SNED1: variants seen among roughly 807,000 people sequenced by gnomAD.
SNED1 encodes the protein sushi, nidogen and EGF-like domain-containing protein 1.
In SNED1, 81 loss-of-function variants were observed where a neutral mutation model predicts 166.7. The observed-to-expected ratio is 0.49, with a 90% CI of 0.41 to 0.58. The LOEUF (loss-of-function observed/expected upper bound fraction) is 0.58. Ranked by LOEUF, SNED1 falls within the 20% of genes least tolerant of loss-of-function variation. The pLI, the probability that SNED1 is intolerant of heterozygous loss-of-function variation, is 0.00. For synonymous variants in SNED1, 762 were observed against 822.0 expected (o/e 0.93, Z 1.25); for missense variants, 1,604 against 2,000.2 (o/e 0.80, Z 3.78).
intron 31 of SNED1, chr2:241,090,312 C>A (rs1196385628): frequency 6.5e-7 from 1 of 1,549,846 alleles, no homozygotes; most frequent in South Asian, 1.2e-5. Context: ...CCTTCTTCCA[C>A]TTCCACATCG....
At chr2:241,076,611 C>T (rs1215980681) in intron 27 of SNED1, among the ~76,000 whole-genome samples, 1 of 152,188 alleles carries the variant, frequency 6.6e-6, no homozygotes, top group Non-Finnish European at 1.5e-5. Flanking sequence ...CCTGTAATCC[C>T]AGCACTTTGG....
intron 5 of SNED1, 56 bp downstream of exon 5, chr2:241,036,971 G>T: frequency 6.4e-7 from 1 of 1,557,426 alleles, no homozygotes. Flanking sequence ...CTCAGGAGGA[G>T]CACTGTAGGC....
chr2:241,083,816 T>G (rs887167844), intron 29 of SNED1, among the ~76,000 whole-genome samples: 2 of 152,174 alleles, frequency 1.3e-5, no homozygotes, highest in Non-Finnish European at 2.9e-5. Flanking sequence ...ATATCTAGTC[T>G]GACAGTCTGG....
At chr2:241,049,197 G>A (rs1247550014) in intron 11 of SNED1, 62 bp downstream of exon 11, 15 of 1,308,130 alleles carry the variant, frequency 1.1e-5, no homozygotes, top group South Asian at 2.5e-5. Flanking sequence ...GGGAGAAAGC[G>A]GTGGATGAGG....
At chr2:241,078,398 A>AG (rs2063150358) in intron 27 of SNED1, among the ~76,000 whole-genome samples, 1 of 142,382 alleles carries the variant, frequency 7.0e-6, no homozygotes. Flanking sequence ...AAAAAAAAAA[A>AG]GAAAGAAAGA....
At position 241,013,109 on chromosome 2, in the gene SNED1, C is replaced by T. The variant is rs1034938513; in HGVS notation, c.213+14059C>T. The stretch of plus-strand genomic sequence containing the variant: ...TCAGCCTCCCAAAGTGATGGGATTA[C>T]AGGCGTGAGCCACCGCGCCCGGCCA... On this transcript the variant is annotated intron_variant, in intron 1 of 31. Coordinates refer to ENST00000310397, the MANE Select transcript of SNED1 (RefSeq NM_001080437.3). The surrounding 1 kb of genome is among the most constrained non-coding windows in gnomAD (Gnocchi z 4.6). 6.6e-6 allele frequency among the ~76,000 whole-genome samples: 1 copy of T among 152,004 alleles called. No homozygotes were observed. Among genetic ancestry groups the T allele is most frequent in the East Asian group, 1.9e-4 (1 of 5,164 alleles).
chr2:241,001,338 C>A (rs2060072037), intron 1 of SNED1, among the ~76,000 whole-genome samples: 1 of 152,268 alleles, frequency 6.6e-6, no homozygotes, highest in Non-Finnish European at 1.5e-5. Context: ...CTTCTGTCTT[C>A]ATCAGAAATA....
chr2:241,001,541 C>T (rs1321737579), intron 1 of SNED1, among the ~76,000 whole-genome samples: 1 of 152,208 alleles, frequency 6.6e-6, no homozygotes, highest in African/African-American at 2.4e-5. Flanking sequence ...ATAATGCAGC[C>T]GAGGAGCGTG....
Position 241,053,214 on chromosome 2 carries a change from G to T in SNED1, c.2145G>T (p.Arg715=), listed in dbSNP as rs774675422. ...KHATLRFNGT[R]LGAVALYACD... is the part of the protein sequence containing the mutation. ...CCACACTGCGCTTCAACGGCACGCG[G>T]CTGGGCGCGGTGGCCCTGTATGCAT... Residue 715 remains arginine, a synonymous_variant, in exon 16 of 32, where the codon CGG becomes CGT. Coordinates refer to ENST00000310397, the MANE Select transcript of SNED1 (RefSeq NM_001080437.3). The T allele has an allele frequency of 1.9e-6, 3 of 1,609,464 alleles. No individual in the cohort carries two copies. Among genetic ancestry groups the T allele is most frequent in the Non-Finnish European group, 2.5e-6 (3 of 1,179,388 alleles).
At chr2:241,049,163 G>A (rs749161849) in intron 11 of SNED1, 28 bp downstream of exon 11, 28 of 1,574,008 alleles carry the variant, frequency 1.8e-5, no homozygotes, top group Middle Eastern at 1.7e-4. Context: ...GAGCCTGCTG[G>A]GCCGGGGGCC....
intron 4 of SNED1, among the ~76,000 whole-genome samples, chr2:241,036,000 G>A (rs1418584990): frequency 9.4e-6 from 1 of 106,142 alleles, no homozygotes; most frequent in Non-Finnish European, 2.0e-5. Flanking sequence ...GGCGCGTCAC[G>A]GGGAGGGGAG....
At chr2:241,070,254 A>G in intron 24 of SNED1, 53 bp downstream of exon 24, 1 of 1,534,276 alleles carries the variant, frequency 6.5e-7, no homozygotes, top group South Asian at 1.2e-5. Flanking sequence ...CCAGCCCTCC[A>G]CCCTGTTCAG....
At position 241,048,410 on chromosome 2, in the gene SNED1, G is replaced by A. The variant is rs774463528; in HGVS notation, c.1369G>A (p.Glu457Lys). The A allele has an allele frequency of 1.3e-4, 203 of 1,611,024 alleles. 1 individual carries two copies. In the Middle Eastern group the frequency reaches 1.5e-3, roughly 12 times the overall value. ...ADQGYVCECP[E>K]GFMGLDCRER... ...CCAGGGCTACGTGTGCGAGTGCCCCGAAGGCTTCATGGGCCTGGACTGCAG... is the reference window on the plus strand; with the variant it reads ...CCAGGGCTACGTGTGCGAGTGCCCCAAAGGCTTCATGGGCCTGGACTGCAG... Residue 457 changes from glutamate (E) to lysine (K), a missense_variant, in exon 9 of 32, where the codon GAA becomes AAA. Glu to Lys is a moderately conservative substitution (Grantham distance 56). Around this residue, in one of 2 missense-constraint regions of SNED1, gnomAD observed 1,237 missense variants for 1,620.8 expected, o/e 0.76. Transcript: ENST00000310397.
rs1434507476 is a variant in SNED1, at chr2:241,048,652, T to C, written c.1400-10T>C. On this transcript the variant is annotated splice_polypyrimidine_tract_variant and intron_variant, in intron 9 of 31. Coordinates refer to ENST00000310397, the MANE Select transcript of SNED1 (RefSeq NM_001080437.3). ...CCCACATGGGAGGCTCCTCCCTCTC[T>C]TCGTGGCAGGAGTCCCCGATGACTG... 1.2e-6 allele frequency: 2 copies of C among 1,602,342 alleles called. No homozygotes were observed. Among genetic ancestry groups the C allele is most frequent in the Non-Finnish European group, 1.7e-6 (2 of 1,174,436 alleles).
At position 241,089,368 on chromosome 2, in the gene SNED1, A is replaced by G. The variant is rs1034104007; in HGVS notation, c.*1+966A>G. ...CAGGTCTATGTTTTGTTACGTGCCT[A>G]AAAAAATAAAGGAGAAATGTCATTC... On this transcript the variant is annotated intron_variant, in intron 31 of 31. Coordinates refer to ENST00000310397, the MANE Select transcript of SNED1 (RefSeq NM_001080437.3). 14 of 1,544,386 alleles carry G rather than the reference A, an allele frequency of 9.1e-6. No individual in the cohort carries two copies. In the African/African-American group the frequency reaches 1.9e-4, roughly 21 times the overall value.
intron 16 of SNED1, among the ~76,000 whole-genome samples, chr2:241,057,735 C>A (rs2062104448): frequency 6.6e-6 from 1 of 151,982 alleles, no homozygotes. Flanking sequence ...TTTATTCAGT[C>A]AAATTGTTAT....
In SNED1 at chr2:241,027,835, G is replaced by A. The variant is rs377360192; in HGVS notation, c.214-2449G>A. 6.2e-3 allele frequency among the ~76,000 whole-genome samples: 932 copies of A among 150,550 alleles called. 7 individuals carry two copies. Among genetic ancestry groups the A allele is most frequent in the East Asian group, 0.02 (103 of 5,058 alleles). On this transcript the variant is annotated intron_variant, in intron 1 of 31. Transcript: ENST00000310397. ...TGCAAGCTCCGCCTCCCGGGTTCAC[G>A]CCATTCTCCTGCCTCAGCCTCCTGA...
In SNED1 at chr2:240,999,043, G is replaced by T; in HGVS notation, c.206G>T (p.Gly69Val). ...CCGTTCTTCGGTGCCGAGCACTCCG[G>T]ACTCTACGTGAGTAACCCCCGGGCT... Reference protein sequence around the residue: ...PFPFFGAEHSGLYVNNNGIIS... With the variant: ...PFPFFGAEHSVLYVNNNGIIS... The change falls in exon 1 of 32, where the codon GGA (glycine) becomes GTA (valine). Residue 69 changes from glycine to valine, a missense_variant. Coordinates refer to ENST00000310397, the MANE Select transcript of SNED1 (RefSeq NM_001080437.3). The surrounding 1 kb of genome is among the most constrained non-coding windows in gnomAD (Gnocchi z 5.8). The T allele has an allele frequency of 7.6e-7, 1 of 1,314,818 alleles. No individual in the cohort carries two copies. Among genetic ancestry groups the T allele is most frequent in the Non-Finnish European group, 9.7e-7 (1 of 1,028,092 alleles). 81.4% of individuals were successfully genotyped at this position (1,314,818 alleles called of 1,614,324 possible).
At chr2:241,053,578 C>A (rs2061947570) in intron 16 of SNED1, among the ~76,000 whole-genome samples, 1 of 152,230 alleles carries the variant, frequency 6.6e-6, no homozygotes, top group African/African-American at 2.4e-5. Flanking sequence ...AGCAGGAGGT[C>A]AAACACCCAA....
Sources: allele counts gnomAD v4.1 joint callset (sites outside exome capture counted in the v4.1 genomes callset), GRCh38; gene constraint gnomAD v4.1.1; regional missense constraint gnomAD v4.1.1; non-coding constraint Gnocchi (gnomAD v3.1); transcripts MANE v1.5; gene names NCBI Gene and HGNC (gene_info 2026-07-23, HGNC 2026-07-21).